Variants in RBFOX2 observed in about 807,000 individuals in gnomAD.
RBFOX2 encodes the protein RNA binding fox-1 homolog 2, also known as RNA binding protein fox-1 homolog 2.
Under a neutral mutation model 49.1 loss-of-function variants are expected in RBFOX2, and 10 were observed. The ratio of observed to expected loss-of-function variants is 0.20; its 90% CI spans 0.13 to 0.35. The LOEUF (loss-of-function observed/expected upper bound fraction) is 0.35, where lower values mean the gene tolerates loss of function less well. Ranked by LOEUF, RBFOX2 falls within the 10% of genes least tolerant of loss-of-function variation. RBFOX2 has a pLI of 1.00. For missense variants in RBFOX2, 323 were observed against 486.9 expected, an observed-to-expected ratio of 0.66 and a Z score of 3.17; for synonymous variants, 183 against 187.4, an observed-to-expected ratio of 0.98 and a Z score of 0.19.
intron 1 of RBFOX2, chr22:35,840,135 CTTTA>C (rs1442940572): frequency 2.5e-6 from 4 of 1,588,422 alleles, no homozygotes; most frequent in Non-Finnish European, 3.5e-6. Context: ...ACCCTCAAAC[CTTTA>C]TTTAGATCCC....
At chr22:36,020,722 C>T (rs956738357) in intron 1 of RBFOX2, among the ~76,000 whole-genome samples, 9 of 152,040 alleles carry the variant, frequency 5.9e-5, no homozygotes, top group African/African-American at 1.4e-4. Context: ...GTTAGAATGG[C>T]GATCATTAAA....
At chr22:35,768,451 C>T in intron 4 of RBFOX2, 102 bp from the exon 6 acceptor site, 1 of 999,960 alleles carries the variant, frequency 1.0e-6, no homozygotes. Flanking sequence ...AAACTGACAT[C>T]AGCAACAACT....
At chr22:36,023,850 C>T (rs1038143913) in intron 1 of RBFOX2, among the ~76,000 whole-genome samples, 1 of 152,154 alleles carries the variant, frequency 6.6e-6, no homozygotes, top group Non-Finnish European at 1.5e-5. Context: ...AAGCACCGAC[C>T]CTTCCTCTCT....
chr22:35,875,607 GGTGT>G (rs56137825), intron 1 of RBFOX2, among the ~76,000 whole-genome samples: 20,676 of 117,186 alleles, frequency 0.18, 1,700 homozygotes, highest in South Asian at 0.19. Flanking sequence ...TGCTCACAAG[GGTGT>G]GTGTGTGTGT....
rs1934250162 is a variant in RBFOX2 at position 35,749,841 on chromosome 22, A to T, written c.888-3280T>A. ...CAGGCGTGGGGAGGGATATGGCGCC[A>T]CATTTATTAATCACATTAAAAACTA... On this transcript the variant is annotated intron_variant, in intron 9 of 11. Transcript: ENST00000405409. This position sits in a 1 kb window ranked among gnomAD's most constrained non-coding sequence, Gnocchi z 4.1. Among the ~76,000 whole-genome samples the T allele has an allele frequency of 6.6e-6, 1 of 152,204 alleles. No individual in the cohort carries two copies. Among genetic ancestry groups the T allele is most frequent in the Non-Finnish European group, 1.5e-5 (1 of 68,038 alleles).
chr22:35,877,473 T>G (rs1022270125), intron 1 of RBFOX2, among the ~76,000 whole-genome samples: 1 of 152,168 alleles, frequency 6.6e-6, no homozygotes, highest in African/African-American at 2.4e-5. Flanking sequence ...CAGTTCTCAG[T>G]ATTGCCACTC....
intron 1 of RBFOX2, among the ~76,000 whole-genome samples, chr22:35,991,085 C>T (rs2057959072): frequency 6.6e-6 from 1 of 151,900 alleles, no homozygotes; most frequent in Non-Finnish European, 1.5e-5. Flanking sequence ...CACAGAGAGA[C>T]CCCATCTCTA....
chr22:35,971,613 A>G (rs939211613), intron 1 of RBFOX2, among the ~76,000 whole-genome samples: 1 of 152,080 alleles, frequency 6.6e-6, no homozygotes, highest in Admixed American at 6.5e-5. Context: ...CCTGAAAACA[A>G]ATATAGAAAA....
upstream of RBFOX2, among the ~76,000 whole-genome samples, chr22:35,842,274 T>C (rs924992945): frequency 3.3e-5 from 5 of 152,188 alleles, no homozygotes; most frequent in Non-Finnish European, 7.3e-5. Context: ...TAATCCATAG[T>C]AATAATTTTA....
chr22:35,958,466 G>C (rs2055840383), intron 1 of RBFOX2, among the ~76,000 whole-genome samples: 1 of 152,110 alleles, frequency 6.6e-6, no homozygotes, highest in Non-Finnish European at 1.5e-5. Flanking sequence ...TTAAGATCTG[G>C]GTAAAACTGG....
At chr22:35,780,745 GAT>G in intron 3 of RBFOX2, among the ~76,000 whole-genome samples, 1 of 152,274 alleles carries the variant, frequency 6.6e-6, no homozygotes, top group Non-Finnish European at 1.5e-5. Flanking sequence ...TTATAAATAT[GAT>G]ATTTAAATTC....
At chr22:35,905,232 AATATT>A (rs2048995433) in intron 1 of RBFOX2, among the ~76,000 whole-genome samples, 1 of 152,188 alleles carries the variant, frequency 6.6e-6, no homozygotes, top group South Asian at 2.1e-4. Flanking sequence ...AGGAAAAAGG[AATATT>A]ATGTTAGAGG....
chr22:35,989,285 T>C (rs953280598), intron 1 of RBFOX2, among the ~76,000 whole-genome samples: 4 of 152,158 alleles, frequency 2.6e-5, no homozygotes, highest in Non-Finnish European at 5.9e-5. Flanking sequence ...AATAGAATCA[T>C]TTCAAGCACC....
intron 1 of RBFOX2, among the ~76,000 whole-genome samples, chr22:36,010,456 G>A (rs1362325622): frequency 1.3e-5 from 2 of 152,052 alleles, no homozygotes; most frequent in South Asian, 4.2e-4. Context: ...CACAAAGACT[G>A]CACGGTGAGA....
At chr22:36,020,821 T>C (rs2059216621) in intron 1 of RBFOX2, among the ~76,000 whole-genome samples, 1 of 152,122 alleles carries the variant, frequency 6.6e-6, no homozygotes, top group South Asian at 2.1e-4. Flanking sequence ...GTTCAACCAT[T>C]GTGGAAGACA....
In RBFOX2 at chr22:35,981,512, C is replaced by T. The variant is rs556727076; in HGVS notation, c.187-42615G>A. 1.4e-4 allele frequency among the ~76,000 whole-genome samples: 21 copies of T among 151,894 alleles called. 1 individual carries two copies. The highest frequency in any genetic ancestry group is 3.3e-4 in the Admixed American group (5 of 15,230). On this transcript the variant is annotated intron_variant, in intron 1 of 13. Transcript: ENST00000438146. ...CAAAAATTAGCCAGGTGTGGTGGTG[C>T]CCGCCTGTGGTCACAGCTACTCAGG...
At chr22:35,819,527 T>A (rs1418321022) in intron 1 of RBFOX2, among the ~76,000 whole-genome samples, 1 of 152,214 alleles carries the variant, frequency 6.6e-6, no homozygotes, top group African/African-American at 2.4e-5. Context: ...TTAATTTATC[T>A]TCTTCTTAAA....
At chr22:36,028,483 CT>C (rs1232325359) in exon 1 of RBFOX2, 2 of 1,122,244 alleles carry the variant, frequency 1.8e-6, no homozygotes, top group Non-Finnish European at 1.1e-6. Flanking sequence ...CCACCTCCCC[CT>C]GGGCCTCGGC....
At chr22:35,971,912 TAAAAAAAAAAAAAA>T (rs527896726) in intron 1 of RBFOX2, among the ~76,000 whole-genome samples, 1 of 56,618 alleles carries the variant, frequency 1.8e-5, no homozygotes, top group Non-Finnish European at 3.3e-5. Flanking sequence ...TTTTTCTCCC[TAAAAAAAAAAAAAA>T]AAAAAAAAAA....
Sources: allele counts gnomAD v4.1 joint callset (sites outside exome capture counted in the v4.1 genomes callset), GRCh38; gene constraint gnomAD v4.1.1; non-coding constraint Gnocchi (gnomAD v3.1); transcripts MANE v1.5; gene names NCBI Gene and HGNC (gene_info 2026-07-23, HGNC 2026-07-21).